The following LRBA variants were observed in gnomAD, a reference collection of about 807,000 sequenced individuals.
The protein encoded by LRBA is lipopolysaccharide-responsive and beige-like anchor protein.
Under a neutral mutation model 330.0 loss-of-function variants are expected in LRBA, and 176 were observed. The ratio of observed to expected loss-of-function variants is 0.53; its 90% CI spans 0.47 to 0.60. The LOEUF is 0.60. Ranked by LOEUF, LRBA falls within the 20% of genes least tolerant of loss-of-function variation. The pLI is 0.00. For synonymous variants in LRBA, 1,230 were observed against 1,193.0 expected, an observed-to-expected ratio of 1.03 and a Z score of -0.64; for missense variants, 3,259 against 3,444.8, an observed-to-expected ratio of 0.95 and a Z score of 1.35.
intron 53 of LRBA, among the ~76,000 whole-genome samples, chr4:150,291,288 C>A (rs1728257805): frequency 8.0e-6 from 1 of 125,146 alleles, no homozygotes; most frequent in African/African-American, 3.1e-5. Flanking sequence ...AACAGGCAAC[C>A]TACAAAATGG....
intron 50 of LRBA, among the ~76,000 whole-genome samples, chr4:150,316,194 T>C (rs1191635869): frequency 6.6e-6 from 1 of 152,196 alleles, no homozygotes; most frequent in Non-Finnish European, 1.5e-5. Context: ...AATATTTTCT[T>C]AAAGATTGGA....
chr4:150,329,565 T>C (rs11734774), intron 48 of LRBA, among the ~76,000 whole-genome samples: 26,445 of 152,054 alleles, frequency 0.17, 2,777 homozygotes, highest in East Asian at 0.26. Flanking sequence ...AGTTCTCTTT[T>C]AGCACTATGA....
chr4:150,953,989 T>TGTACCCAACAGCTCATTGAG (rs1737196890), intron 2 of LRBA, among the ~76,000 whole-genome samples: 1 of 137,770 alleles, frequency 7.3e-6, no homozygotes, highest in African/African-American at 2.8e-5. Flanking sequence ...GTCTGGGAGG[T>TGTACCCAACAGCTCATTGAG]AAGGAGCGTC....
intron 47 of LRBA, among the ~76,000 whole-genome samples, chr4:150,384,753 C>CT (rs34030435): frequency 0.064 from 9,167 of 144,338 alleles, 435 homozygotes; most frequent in East Asian, 0.18. Context: ...ACTTTAATTT[C>CT]TTTTTTTTTT....
chr4:150,320,995 A>T (rs554839887), intron 50 of LRBA, among the ~76,000 whole-genome samples, 196 bp downstream of exon 50: 2 of 152,306 alleles, frequency 1.3e-5, no homozygotes, highest in African/African-American at 4.8e-5. Flanking sequence ...CAGAAGCTAA[A>T]AAGTAGTTTA....
chr4:150,873,962 C>G (rs1201355849), intron 17 of LRBA, among the ~76,000 whole-genome samples: 1 of 152,106 alleles, frequency 6.6e-6, no homozygotes, highest in African/African-American at 2.4e-5. Flanking sequence ...AATCTTAGTA[C>G]AAAAACTTAA....
At chr4:150,693,933 G>A (rs1308359601) in intron 36 of LRBA, among the ~76,000 whole-genome samples, 1 of 152,068 alleles carries the variant, frequency 6.6e-6, no homozygotes, top group Non-Finnish European at 1.5e-5. Flanking sequence ...AAAATAGCAA[G>A]CCCTTTTCCT....
In LRBA at chr4:150,308,352, G is replaced by A. The variant is rs897023906; in HGVS notation, c.7849+1877C>T. Among the ~76,000 whole-genome samples, 7 of 152,296 alleles carry A rather than the reference G, an allele frequency of 4.6e-5. No individual in the cohort carries two copies. In the South Asian group the frequency reaches 8.3e-4, roughly 18 times the overall value. On this transcript the variant is annotated intron_variant, in intron 52 of 56. Transcript: ENST00000651943. Reference sequence around the variant, plus strand: ...CGTTGTAGTGCAATGCATCACTCACGTTTGTGGTGGTGCTGGTTTAAATGG... The same window carrying A: ...CGTTGTAGTGCAATGCATCACTCACATTTGTGGTGGTGCTGGTTTAAATGG...
At chr4:150,797,984 A>G (rs1741043348) in intron 34 of LRBA, 97 bp downstream of exon 34, 1 of 752,018 alleles carries the variant, frequency 1.3e-6, no homozygotes, top group Non-Finnish European at 2.3e-6. Flanking sequence ...CAATTTTATT[A>G]TACCAAAAAT....
chr4:150,787,659 T>C (rs1249783118), intron 34 of LRBA, among the ~76,000 whole-genome samples: 1 of 152,260 alleles, frequency 6.6e-6, no homozygotes, highest in African/African-American at 2.4e-5. Flanking sequence ...TCCTTTGTGT[T>C]ACAAACAATC....
chr4:150,519,215 A>G (rs1762666015), intron 40 of LRBA, among the ~76,000 whole-genome samples: 1 of 152,114 alleles, frequency 6.6e-6, no homozygotes, highest in African/African-American at 2.4e-5. Context: ...TTTTACTTAA[A>G]ATTTTATTAA....
intron 17 of LRBA, among the ~76,000 whole-genome samples, chr4:150,873,589 C>CAA (rs571190977): frequency 7.5e-6 from 1 of 134,128 alleles, no homozygotes; most frequent in Non-Finnish European, 1.6e-5. Context: ...GACTCTGTCT[C>CAA]AAAAAAAAAA....
In LRBA at chr4:150,599,072, C is replaced by T. The variant is rs1016439009; in HGVS notation, c.5981G>A (p.Arg1994Gln). 7 of 1,613,816 alleles carry T rather than the reference C, an allele frequency of 4.3e-6. No homozygotes were observed. Among genetic ancestry groups the T allele is most frequent in the African/African-American group, 4.0e-5 (3 of 74,872 alleles). The change falls in exon 38 of 57, where the codon CGA becomes CAA. Residue 1994 changes from arginine (R) to glutamine (Q), a missense_variant. By Grantham distance (43) the Arg-to-Gln change is conservative. Transcript: ENST00000651943. ...CGATCCTAGAGGGTTACGCACAAAT[C>T]GTCGCCGGCGCCGCAAGTCATCTTC... The part of the protein sequence containing the change: ...YWEDDLRRRR[R>Q]FVRNPLGSTH...
At chr4:150,735,151 A>G in intron 36 of LRBA, 107 bp downstream of exon 36, 2 of 792,952 alleles carry the variant, frequency 2.5e-6, no homozygotes. Flanking sequence ...TAATTTTTTG[A>G]TGACATATAC....
intron 17 of LRBA, among the ~76,000 whole-genome samples, chr4:150,878,852 T>C (rs572211273): frequency 1.3e-5 from 2 of 150,962 alleles, no homozygotes; most frequent in East Asian, 3.9e-4. Context: ...TGAATTTTTC[T>C]GGTCCAGGAA....
At chr4:150,798,058 C>G in intron 34 of LRBA, 23 bp downstream of exon 34, 1 of 1,523,426 alleles carries the variant, frequency 6.6e-7, no homozygotes, top group African/African-American at 1.4e-5. Context: ...ACTTTTAATT[C>G]AACATTTATT....
chr4:150,917,279 A>C (rs1032064905), intron 5 of LRBA, among the ~76,000 whole-genome samples: 3 of 152,116 alleles, frequency 2.0e-5, no homozygotes, highest in Admixed American at 6.5e-5. Context: ...TAAATGAAAA[A>C]AAAATTCAGT....
intron 54 of LRBA, among the ~76,000 whole-genome samples, chr4:150,284,719 G>A (rs1226826125): frequency 6.6e-6 from 1 of 152,096 alleles, no homozygotes; most frequent in Non-Finnish European, 1.5e-5. Flanking sequence ...AGAGATGGGG[G>A]TCTCACTATG....
At chr4:150,521,175 G>A (rs990334109) in intron 40 of LRBA, among the ~76,000 whole-genome samples, 1 of 151,686 alleles carries the variant, frequency 6.6e-6, no homozygotes, top group Non-Finnish European at 1.5e-5. Context: ...AACAGCTTTT[G>A]GTTTCACTGG....
Sources: allele counts gnomAD v4.1 joint callset (sites outside exome capture counted in the v4.1 genomes callset), GRCh38; gene constraint gnomAD v4.1.1; transcripts MANE v1.5; gene names NCBI Gene and HGNC (gene_info 2026-07-23, HGNC 2026-07-21).